The following SYN2 variants were observed in gnomAD, a reference collection of about 807,000 sequenced individuals.
SYN2 encodes synapsin II, also known as synapsin-2.
In SYN2, 19 loss-of-function variants were observed where a neutral mutation model predicts 50.9. The observed-to-expected ratio is 0.37, with a 90% CI of 0.26 to 0.55. The LOEUF (loss-of-function observed/expected upper bound fraction) is 0.55. SYN2 is among the 20% of genes least tolerant of loss of function. The pLI is 0.81. For synonymous variants in SYN2, 255 were observed against 224.9 expected (o/e 1.13, Z -1.20); for missense variants, 587 against 576.4 (o/e 1.02, Z -0.19).
At chr3:12,054,059 G>A (rs935496641) in intron 1 of SYN2, among the ~76,000 whole-genome samples, 1 of 152,094 alleles carries the variant, frequency 6.6e-6, no homozygotes, top group Non-Finnish European at 1.5e-5. Context: ...GCAAATGCAA[G>A]GTAATGCCTT....
At chr3:12,110,935 A>G (rs958116615) in intron 1 of SYN2, among the ~76,000 whole-genome samples, 1 of 152,168 alleles carries the variant, frequency 6.6e-6, no homozygotes, top group African/African-American at 2.4e-5. Context: ...CTTGGATGAG[A>G]CTTTGGACTG....
intron 1 of SYN2, among the ~76,000 whole-genome samples, chr3:12,079,354 G>A (rs1695538993): frequency 6.6e-6 from 1 of 152,180 alleles, no homozygotes; most frequent in Non-Finnish European, 1.5e-5. Flanking sequence ...TAGGAGTGGT[G>A]AGAGAGGGCA....
Position 12,190,811 on chromosome 3 carries a change from C to T in SYN2, c.*186C>T. On this transcript the variant is annotated 3_prime_UTR_variant, in exon 13 of 13. Coordinates refer to ENST00000621198, the MANE Select transcript of SYN2 (RefSeq NM_133625.6). ...CCATTTGACAGTCTCAGGGCAGGTGCCTACCCAGCAAGGGGTACCTGGCAT... is the reference window on the plus strand; with the variant it reads ...CCATTTGACAGTCTCAGGGCAGGTGTCTACCCAGCAAGGGGTACCTGGCAT... 1 of 1,357,684 alleles carries T rather than the reference C, an allele frequency of 7.4e-7. No homozygotes were observed. Among genetic ancestry groups the T allele is most frequent in the Non-Finnish European group, 9.4e-7 (1 of 1,062,210 alleles). The allele number at this position is 1,357,684 out of a possible 1,614,324, so 84.1% of individuals were successfully genotyped here.
chr3:12,112,146 G>A (rs73813126), intron 1 of SYN2, among the ~76,000 whole-genome samples: 11,941 of 152,026 alleles, frequency 0.079, 569 homozygotes, highest in African/African-American at 0.13. Flanking sequence ...TATCAGAAGT[G>A]CTCTGAGTCT....
intron 1 of SYN2, among the ~76,000 whole-genome samples, chr3:12,127,867 G>A (rs1696705066): frequency 6.6e-6 from 1 of 152,128 alleles, no homozygotes; most frequent in Non-Finnish European, 1.5e-5. Context: ...GTGTACTGAT[G>A]ATGTGGTATT....
Position 12,187,378 on chromosome 3 carries a change from G to A in SYN2, c.1379G>A (p.Gly460Glu). ...CTTGTACTGAACCTAGGGGGCCCTG[G>A]GCAACCCCAAGGAATGCAGCCCCCA... is the stretch of plus-strand genomic sequence containing the variant. The part of the protein sequence containing the change: ...PQRPPPQGGP[G>E]QPQGMQPPGK... The change falls in exon 12 of 13, where the codon GGG (glycine) becomes GAG (glutamate). Residue 460 changes from glycine to glutamate, a missense_variant. Transcript: ENST00000621198. 1.9e-6 allele frequency: 3 copies of A among 1,543,466 alleles called. No homozygotes were observed. The South Asian group carries it at 3.6e-5, about 18-fold the overall frequency.
chr3:12,013,368 C>T (rs929447964), intron 1 of SYN2, among the ~76,000 whole-genome samples: 1 of 152,152 alleles, frequency 6.6e-6, no homozygotes, highest in Non-Finnish European at 1.5e-5. Context: ...CTCCGGGCCC[C>T]CTTTTCCTGC....
chr3:12,055,628 T>C (rs891088313), intron 1 of SYN2, among the ~76,000 whole-genome samples: 1 of 152,226 alleles, frequency 6.6e-6, no homozygotes, highest in African/African-American at 2.4e-5. Flanking sequence ...GTTTGAGGCT[T>C]TAAAAACTCT....
intron 1 of SYN2, among the ~76,000 whole-genome samples, chr3:12,096,775 A>G (rs1695944462): frequency 6.6e-6 from 1 of 152,166 alleles, no homozygotes; most frequent in Non-Finnish European, 1.5e-5. Context: ...AACAAATGAA[A>G]AATTTACTAG....
intron 9 of SYN2, among the ~76,000 whole-genome samples, chr3:12,169,236 G>T (rs1697880895): frequency 6.6e-6 from 1 of 152,208 alleles, no homozygotes; most frequent in African/African-American, 2.4e-5. Flanking sequence ...ATTGATCTGA[G>T]CCTTGAGGTA....
At chr3:12,033,728 C>T (rs569769071) in intron 1 of SYN2, among the ~76,000 whole-genome samples, 6 of 152,288 alleles carry the variant, frequency 3.9e-5, no homozygotes, top group African/African-American at 1.4e-4. Context: ...CGTGGACTTG[C>T]TTATTATAAG....
chr3:12,176,446 A>G (rs1208632289), intron 10 of SYN2, among the ~76,000 whole-genome samples: 1 of 152,200 alleles, frequency 6.6e-6, no homozygotes, highest in Non-Finnish European at 1.5e-5. Flanking sequence ...GTCTCTCTTC[A>G]GTGCCCCTCA....
chr3:12,085,326 CAT>C (rs143794445), intron 1 of SYN2, among the ~76,000 whole-genome samples: 4,298 of 147,660 alleles, frequency 0.029, 94 homozygotes, highest in Non-Finnish European at 0.045. Flanking sequence ...ACATAATAAT[CAT>C]ATATATATAT....
chr3:12,128,979 G>A (rs1237033963), intron 1 of SYN2, among the ~76,000 whole-genome samples: 1 of 152,032 alleles, frequency 6.6e-6, no homozygotes, highest in Non-Finnish European at 1.5e-5. Context: ...CTATTCTCAT[G>A]GAGCTTACAT....
chr3:12,158,455 G>C (rs1697525559), intron 5 of SYN2, among the ~76,000 whole-genome samples: 1 of 152,164 alleles, frequency 6.6e-6, no homozygotes, highest in South Asian at 2.1e-4. Context: ...ATTGCAGTAT[G>C]GCCGGAGTGA....
intron 1 of SYN2, among the ~76,000 whole-genome samples, chr3:12,073,995 CT>C (rs1695417552): frequency 6.6e-6 from 1 of 152,130 alleles, no homozygotes; most frequent in East Asian, 1.9e-4. Context: ...AATCTGTCAA[CT>C]TTTGCTTCAT....
chr3:12,123,266 C>T (rs1696600445), intron 1 of SYN2, among the ~76,000 whole-genome samples: 1 of 152,080 alleles, frequency 6.6e-6, no homozygotes, highest in Admixed American at 6.6e-5. Context: ...AAAAATAAAG[C>T]CAGATCTAGA....
intron 3 of SYN2, among the ~76,000 whole-genome samples, chr3:12,143,837 C>A (rs1697084876): frequency 6.6e-6 from 1 of 152,166 alleles, no homozygotes; most frequent in African/African-American, 2.4e-5. Flanking sequence ...GGTAGTTCTA[C>A]TTTTAGTTCT....
At chr3:12,111,067 G>A (rs1696302022) in intron 1 of SYN2, among the ~76,000 whole-genome samples, 1 of 152,200 alleles carries the variant, frequency 6.6e-6, no homozygotes, top group Admixed American at 6.6e-5. Context: ...ATATGGTTTG[G>A]CTGTGTCCCC....
Sources: allele counts gnomAD v4.1 joint callset (sites outside exome capture counted in the v4.1 genomes callset), GRCh38; gene constraint gnomAD v4.1.1; transcripts MANE v1.5; gene names NCBI Gene and HGNC (gene_info 2026-07-23, HGNC 2026-07-21).